VIPR1: variants seen among roughly 807,000 people sequenced by gnomAD.
VIPR1 encodes vasoactive intestinal polypeptide receptor 1.
In VIPR1, 59 loss-of-function variants were observed where a neutral mutation model predicts 58.8. That is an observed-to-expected ratio of 1.00 (90% CI 0.81 to 1.25). The LOEUF is 1.25. Among genes scored for constraint, VIPR1 ranks in the 50% most tolerant of loss-of-function variants. VIPR1 has a pLI of 0.00. For synonymous variants in VIPR1, 251 were observed against 242.1 expected, an observed-to-expected ratio of 1.04 and a Z score of -0.34; for missense variants, 626 against 602.7, an observed-to-expected ratio of 1.04 and a Z score of -0.40.
At chr3:42,507,792 T>A (rs562203566) in intron 1 of VIPR1, 1 of 152,242 alleles carries the variant, frequency 6.6e-6, no homozygotes, top group Admixed American at 6.5e-5. Context: ...AGAGCCCTTG[T>A]CCTGATATCA....
intron 1 of VIPR1, among the ~76,000 whole-genome samples, chr3:42,504,361 C>G (rs2125631341): frequency 6.6e-6 from 1 of 152,262 alleles, no homozygotes; most frequent in Admixed American, 6.5e-5. Context: ...TCTGTCTCCT[C>G]CCTCCAATGC....
intron 1 of VIPR1, among the ~76,000 whole-genome samples, chr3:42,505,452 C>A (rs1487568096): frequency 6.6e-6 from 1 of 152,256 alleles, no homozygotes; most frequent in Non-Finnish European, 1.5e-5. Flanking sequence ...GCCCCTGCCA[C>A]CTGCCTCTAG....
intron 1 of VIPR1, among the ~76,000 whole-genome samples, chr3:42,505,671 A>G (rs1700089442): frequency 6.6e-6 from 1 of 152,214 alleles, no homozygotes; most frequent in Non-Finnish European, 1.5e-5. Flanking sequence ...TGGTGCACTA[A>G]GACTATGCCT....
intron 7 of VIPR1, 37 bp downstream of exon 7, chr3:42,530,969 AG>A: frequency 3.7e-6 from 6 of 1,610,164 alleles, no homozygotes; most frequent in Non-Finnish European, 5.1e-6. Context: ...CTGGGGACAG[AG>A]GGGGCAAGGC....
At chr3:42,519,498 A>G (rs1009671367) in intron 3 of VIPR1, 168 bp downstream of exon 3, 22 of 506,670 alleles carry the variant, frequency 4.3e-5, no homozygotes, top group Non-Finnish European at 7.5e-5. Flanking sequence ...AACTCACAGG[A>G]TTTGATTAGC....
In VIPR1 at chr3:42,530,804, T is replaced by C. The variant is rs1701499763; in HGVS notation, c.662T>C (p.Phe221Ser). Residue 221 changes from phenylalanine (F) to serine (S), a missense_variant, in exon 7 of 13, where the codon TTT becomes TCT. By Grantham distance (155) the Phe-to-Ser change is radical (BLOSUM62 -2). Transcript: ENST00000325123. ...GSVGCKAAMV[F>S]FQYCVMANFF... ...GTGGGCTGTAAGGCAGCCATGGTCT[T>C]TTTCCAATATTGTGTCATGGCTAAC... 6.2e-7 allele frequency: 1 copy of C among 1,614,012 alleles called. No individual in the cohort carries two copies. The highest frequency in any genetic ancestry group is 1.1e-5 in the South Asian group (1 of 91,092).
rs568520476 is a variant in VIPR1 at position 42,536,773 on chromosome 3, C to T, written c.*492C>T. The T allele has an allele frequency of 3.2e-5, 5 of 154,382 alleles. No individual in the cohort carries two copies. Among genetic ancestry groups the T allele is most frequent in the Non-Finnish European group, 5.8e-5 (4 of 69,538 alleles). The allele number at this position is 154,382 out of a possible 1,614,324, so 9.6% of individuals were successfully genotyped here. A position where few individuals can be genotyped will look rare whatever the true frequency, so the allele number is the denominator to read the frequency against. The stretch of plus-strand genomic sequence containing the variant: ...TCAAGTTCCTTTGGGTTAAGCATTA[C>T]CACTCAGGCATTTGACTGAAGATGC... On this transcript the variant is annotated 3_prime_UTR_variant, in exon 13 of 13. Transcript: ENST00000325123.
intron 4 of VIPR1, among the ~76,000 whole-genome samples, chr3:42,526,849 C>A (rs1701258332): frequency 6.6e-6 from 1 of 152,164 alleles, no homozygotes; most frequent in Non-Finnish European, 1.5e-5. Context: ...TAGCTTTGCC[C>A]TCCTCCACCG....
chr3:42,532,003 T>C (rs1701584814), intron 9 of VIPR1, 134 bp downstream of exon 9: 5 of 1,051,854 alleles, frequency 4.8e-6, no homozygotes, highest in Non-Finnish European at 7.1e-6. Context: ...TGCAGGATCA[T>C]CCCCACCCCT....
intron 1 of VIPR1, among the ~76,000 whole-genome samples, chr3:42,508,397 C>A (rs1281197181): frequency 6.6e-6 from 1 of 152,322 alleles, no homozygotes; most frequent in East Asian, 1.9e-4. Flanking sequence ...CTGAACTAGG[C>A]TCTGCCACCT....
chr3:42,502,609 C>A (rs1699912885), upstream of VIPR1: 2 of 696,696 alleles, frequency 2.9e-6, no homozygotes, highest in Middle Eastern at 4.9e-4. Flanking sequence ...CCCTGAGCTG[C>A]GCCTCTTAGC....
In VIPR1 at chr3:42,529,181, C is replaced by T. The variant is rs555367858; in HGVS notation, c.636+1058C>T. Among the ~76,000 whole-genome samples, 609 of 152,252 alleles carry T rather than the reference C, an allele frequency of 4.0e-3. 3 individuals carry two copies. The highest frequency in any genetic ancestry group is 0.011 in the South Asian group (55 of 4,818). ...TAAAGAGCTGAGTTATGGCCAGACG[C>T]GGATTATGGCTCACGCCTGTAATCC... On this transcript the variant is annotated intron_variant, in intron 6 of 12. Coordinates refer to ENST00000325123, the MANE Select transcript of VIPR1 (RefSeq NM_004624.4).
Position 42,535,056 on chromosome 3 carries a change from T to G in VIPR1, c.1092T>G (p.Phe364Leu), listed in dbSNP as rs767372902. Reference protein sequence around the residue: ...YIMFAFFPDNFKPEVKMVFEL... With the variant: ...YIMFAFFPDNLKPEVKMVFEL... Reference sequence around the variant, plus strand: ...TGTTCGCCTTCTTTCCGGACAATTTTAAGCCTGAAGTGAAGATGGTCTTTG... The same window carrying G: ...TGTTCGCCTTCTTTCCGGACAATTTGAAGCCTGAAGTGAAGATGGTCTTTG... The change falls in exon 11 of 13, where the codon TTT (phenylalanine) becomes TTG (leucine). Residue 364 changes from phenylalanine (F) to leucine (L), a missense_variant. By Grantham distance (22) the Phe-to-Leu change is conservative (BLOSUM62 0). Transcript: ENST00000325123. 3 of 1,614,224 alleles carry G rather than the reference T, an allele frequency of 1.9e-6. No individual in the cohort carries two copies. The Admixed American group carries it at 5.0e-5, about 27-fold the overall frequency.
intron 10 of VIPR1, chr3:42,533,241 A>G (rs528885449): frequency 6.6e-6 from 1 of 152,206 alleles, no homozygotes; most frequent in Admixed American, 6.5e-5. Flanking sequence ...CTCTTTGGAG[A>G]GTCTGTGCTG....
chr3:42,523,650 AGCT>A (rs1201995560), intron 3 of VIPR1, among the ~76,000 whole-genome samples: 1 of 148,496 alleles, frequency 6.7e-6, no homozygotes, highest in African/African-American at 2.6e-5. Flanking sequence ...CGGCATGTGA[AGCT>A]GCTGTGTACA....
chr3:42,529,180 G>A (rs1399924729), intron 6 of VIPR1, among the ~76,000 whole-genome samples: 7 of 152,262 alleles, frequency 4.6e-5, no homozygotes, highest in African/African-American at 4.8e-5. Flanking sequence ...ATGGCCAGAC[G>A]CGGATTATGG....
chr3:42,534,903 C>G, intron 10 of VIPR1, 72 bp from the exon 11 acceptor site: 1 of 1,573,120 alleles, frequency 6.4e-7, no homozygotes, highest in South Asian at 1.2e-5. Flanking sequence ...TCCAGCTGCC[C>G]CCATGCCACA....
chr3:42,502,884 G>A (rs1699933042), intron 1 of VIPR1, 71 bp downstream of exon 1: 2 of 1,126,386 alleles, frequency 1.8e-6, no homozygotes, highest in Non-Finnish European at 2.2e-6. Context: ...GGTGGGGGAT[G>A]GCGGGAGCCG....
At chr3:42,501,192 T>C (rs960953602), upstream of VIPR1, among the ~76,000 whole-genome samples, 1 of 151,992 alleles carries the variant, frequency 6.6e-6, no homozygotes, top group Non-Finnish European at 1.5e-5. The surrounding 1 kb of genome is among the most constrained non-coding windows in gnomAD (Gnocchi z 4.8). Context: ...AAAGTGTAAG[T>C]ACGCCCTGAA....
Sources: allele counts gnomAD v4.1 joint callset (sites outside exome capture counted in the v4.1 genomes callset), GRCh38; gene constraint gnomAD v4.1.1; non-coding constraint Gnocchi (gnomAD v3.1); transcripts MANE v1.5; gene names NCBI Gene and HGNC (gene_info 2026-07-23, HGNC 2026-07-21).